Variants in CTNND2 observed in about 807,000 individuals in gnomAD.
The protein encoded by CTNND2 is catenin delta-2.
Under a neutral mutation model 144.4 loss-of-function variants are expected in CTNND2, and 22 were observed. The ratio of observed to expected loss-of-function variants is 0.15; its 90% CI spans 0.11 to 0.22. The LOEUF (loss-of-function observed/expected upper bound fraction) is 0.22, where lower values mean the gene tolerates loss of function less well. Ranked by LOEUF, CTNND2 falls within the 10% of genes least tolerant of loss-of-function variation. The pLI is 1.00. For missense variants in CTNND2, 1,353 were observed against 1,618.8 expected, an observed-to-expected ratio of 0.84 and a Z score of 2.82; for synonymous variants, 751 against 695.6, an observed-to-expected ratio of 1.08 and a Z score of -1.25.
chr5:11,702,145 A>G (rs906147265), intron 2 of CTNND2, among the ~76,000 whole-genome samples: 1 of 152,166 alleles, frequency 6.6e-6, no homozygotes, highest in African/African-American at 2.4e-5. Flanking sequence ...GTTGAAACCT[A>G]GAGACATACA....
At chr5:11,400,883 T>C (rs1216282398) in intron 5 of CTNND2, among the ~76,000 whole-genome samples, 1 of 152,216 alleles carries the variant, frequency 6.6e-6, no homozygotes. Flanking sequence ...ATCTTCTGTC[T>C]CCAAGTCCAA....
intron 2 of CTNND2, among the ~76,000 whole-genome samples, chr5:11,685,818 G>T (rs1017618250): frequency 6.6e-6 from 1 of 152,182 alleles, no homozygotes; most frequent in Non-Finnish European, 1.5e-5. Context: ...TAGAGGTGAG[G>T]AAATGAAGAC....
At chr5:11,310,418 A>G (rs1048723857) in intron 9 of CTNND2, among the ~76,000 whole-genome samples, 2 of 152,030 alleles carry the variant, frequency 1.3e-5, no homozygotes, top group East Asian at 1.9e-4. Context: ...CATCACTTCT[A>G]TTTATAACTC....
intron 9 of CTNND2, among the ~76,000 whole-genome samples, chr5:11,252,892 T>C (rs1156519809): frequency 6.6e-6 from 1 of 152,242 alleles, no homozygotes; most frequent in Non-Finnish European, 1.5e-5. Flanking sequence ...TTCTTATGGC[T>C]CTTTCAATTA....
At chr5:11,290,344 T>C (rs561305628) in intron 9 of CTNND2, among the ~76,000 whole-genome samples, 1 of 152,324 alleles carries the variant, frequency 6.6e-6, no homozygotes. Flanking sequence ...GGGATGCTCA[T>C]CGCATAAGAA....
intron 7 of CTNND2, among the ~76,000 whole-genome samples, chr5:11,379,108 G>A (rs1758227501): frequency 2.0e-5 from 3 of 152,076 alleles, no homozygotes; most frequent in African/African-American, 7.2e-5. Context: ...GATTAATTTA[G>A]CTACAAATCC....
At chr5:11,521,975 C>A (rs1049638046) in intron 3 of CTNND2, among the ~76,000 whole-genome samples, 1 of 152,122 alleles carries the variant, frequency 6.6e-6, no homozygotes, top group Non-Finnish European at 1.5e-5. Context: ...CCTATATAGT[C>A]TATCCAGCTG....
In CTNND2 at chr5:11,809,551, T is replaced by C. The variant is rs995901938; in HGVS notation, c.38-77279A>G. Among the ~76,000 whole-genome samples the C allele has an allele frequency of 2.0e-5, 3 of 152,300 alleles. No homozygotes were observed. In the East Asian group the frequency reaches 5.8e-4, roughly 29 times the overall value. On this transcript the variant is annotated intron_variant, in intron 1 of 21. Transcript: ENST00000304623. Reference sequence around the variant, plus strand: ...GAGTAAGTCATGGTGGAAATTCATATGTCATTGTCAGGGAGAGGAATAACT... The same window carrying C: ...GAGTAAGTCATGGTGGAAATTCATACGTCATTGTCAGGGAGAGGAATAACT...
At chr5:11,894,657 A>C (rs1487941094) in intron 1 of CTNND2, among the ~76,000 whole-genome samples, 1 of 152,318 alleles carries the variant, frequency 6.6e-6, no homozygotes, top group South Asian at 2.1e-4. Flanking sequence ...AAGCATTTTC[A>C]CCTAAATTAT....
intron 20 of CTNND2, among the ~76,000 whole-genome samples, chr5:10,984,676 G>A (rs984888135): frequency 6.6e-6 from 1 of 151,978 alleles, no homozygotes; most frequent in South Asian, 2.1e-4. Context: ...TCATATGACC[G>A]AGCTAATAGT....
At chr5:11,173,880 T>C (rs1760194338) in intron 11 of CTNND2, among the ~76,000 whole-genome samples, 1 of 152,156 alleles carries the variant, frequency 6.6e-6, no homozygotes. Flanking sequence ...CCCAAAAGGA[T>C]GGTTGGTTTT....
Position 11,378,350 on chromosome 5 carries a change from A to G in CTNND2, c.1177+6315T>C, listed in dbSNP as rs1304851416. ...AGAGGCATGGCCAGCAGGGAAGGCA[A>G]TGAGTCGCTGTCGTTGGGAGAGTGC... On this transcript the variant is annotated intron_variant, in intron 7 of 21. Coordinates refer to ENST00000304623, the MANE Select transcript of CTNND2 (RefSeq NM_001332.4). Among the ~76,000 whole-genome samples the G allele has an allele frequency of 4.6e-5, 7 of 152,190 alleles. No individual in the cohort carries two copies. In the South Asian group the frequency reaches 1.2e-3, roughly 27 times the overall value.
chr5:11,609,087 C>G (rs896766411), intron 2 of CTNND2, among the ~76,000 whole-genome samples: 1 of 152,180 alleles, frequency 6.6e-6, no homozygotes, highest in African/African-American at 2.4e-5. Flanking sequence ...TCAGAGACAC[C>G]TTCCCCTCAG....
chr5:11,851,282 G>T (rs558446480), intron 1 of CTNND2, among the ~76,000 whole-genome samples: 256 of 152,012 alleles, frequency 1.7e-3, no homozygotes, highest in Non-Finnish European at 2.6e-3. Context: ...TGCGTATGTG[G>T]GTGTGAGTGT....
intron 2 of CTNND2, among the ~76,000 whole-genome samples, chr5:11,668,618 T>C (rs902014300): frequency 6.6e-6 from 1 of 152,220 alleles, no homozygotes; most frequent in African/African-American, 2.4e-5. Flanking sequence ...TGATTTTGTA[T>C]CCTGAGACTT....
chr5:11,289,690 T>C (rs1373185725), intron 9 of CTNND2, among the ~76,000 whole-genome samples: 1 of 152,190 alleles, frequency 6.6e-6, no homozygotes, highest in Non-Finnish European at 1.5e-5. Flanking sequence ...ATCATTGGGC[T>C]TCTGTAACCT....
intron 12 of CTNND2, among the ~76,000 whole-genome samples, chr5:11,130,060 C>T (rs1263607194): frequency 3.9e-5 from 6 of 151,960 alleles, no homozygotes; most frequent in East Asian, 1.9e-4. Flanking sequence ...TCTTGCTGTT[C>T]GAATTACTAT....
intron 2 of CTNND2, among the ~76,000 whole-genome samples, chr5:11,656,063 G>T (rs1284089347): frequency 6.6e-6 from 1 of 151,828 alleles, no homozygotes; most frequent in Non-Finnish European, 1.5e-5. Context: ...TTCCAAATCT[G>T]TTTCAGGATT....
chr5:11,768,680 T>C (rs1289855603), intron 1 of CTNND2, among the ~76,000 whole-genome samples: 1 of 152,178 alleles, frequency 6.6e-6, no homozygotes, highest in African/African-American at 2.4e-5. Context: ...CCACACTGCA[T>C]CTTGTGATCA....
Sources: gnomAD v4.1 joint callset for allele counts (sites outside exome capture counted in the v4.1 genomes callset) on GRCh38, gnomAD v4.1.1 for gene constraint, MANE v1.5 for transcripts, NCBI Gene and HGNC (gene_info 2026-07-23, HGNC 2026-07-21) for gene names.